Variants in PLPPR1 observed in about 807,000 individuals in gnomAD.
PLPPR1 encodes phospholipid phosphatase related 1, also known as phospholipid phosphatase-related protein type 1.
A neutral mutation model predicts 33.1 loss-of-function variants in PLPPR1; 10 were observed. The ratio of observed to expected loss-of-function variants is 0.30; its 90% CI spans 0.19 to 0.51. PLPPR1 has a LOEUF of 0.51. Ranked by LOEUF, PLPPR1 falls within the 20% of genes least tolerant of loss-of-function variation. PLPPR1 has a pLI of 0.97. For missense variants in PLPPR1, 304 were observed against 408.1 expected (o/e 0.74, Z 2.20); for synonymous variants, 151 against 151.0 (o/e 1.00, Z 0.00).
At chr9:101,247,088 C>T (rs1827624284) in intron 2 of PLPPR1, among the ~76,000 whole-genome samples, 1 of 151,928 alleles carries the variant, frequency 6.6e-6, no homozygotes, top group African/African-American at 2.4e-5. Context: ...TGGGAGGTCT[C>T]ATAGAAGAAT....
chr9:101,055,192 A>G (rs1323320841), intron 1 of PLPPR1, among the ~76,000 whole-genome samples: 1 of 152,212 alleles, frequency 6.6e-6, no homozygotes, highest in African/African-American at 2.4e-5. Flanking sequence ...CCTGTACAGG[A>G]GGATCATCTG....
intron 2 of PLPPR1, among the ~76,000 whole-genome samples, chr9:101,240,409 A>ACTGTTTTTTTTTTTTTT (rs1564012614): frequency 9.2e-5 from 14 of 151,776 alleles, no homozygotes; most frequent in African/African-American, 3.4e-4. Context: ...AAATTTTAGA[A>ACTGTTTTTTTTTTTTTT]TTGTTTTTTT....
intron 1 of PLPPR1, among the ~76,000 whole-genome samples, chr9:101,146,336 G>A (rs1001645235): frequency 6.6e-6 from 1 of 152,124 alleles, no homozygotes; most frequent in African/African-American, 2.4e-5. Flanking sequence ...GAATGAAAAA[G>A]GGGTAATACA....
intron 5 of PLPPR1, 27 bp downstream of exon 5, chr9:101,309,488 A>C: frequency 1.2e-6 from 2 of 1,606,810 alleles, no homozygotes; most frequent in Non-Finnish European, 1.7e-6. Context: ...TGTCTCTCCT[A>C]AGTCCAGTTT....
chr9:101,310,210 CTT>C (rs976600788), intron 5 of PLPPR1, among the ~76,000 whole-genome samples: 3 of 151,990 alleles, frequency 2.0e-5, no homozygotes, highest in African/African-American at 4.8e-5. Flanking sequence ...TCATTTCACT[CTT>C]GTCTGGCTTA....
intron 5 of PLPPR1, among the ~76,000 whole-genome samples, 159 bp from the exon 6 acceptor site, chr9:101,312,639 A>G (rs1828979372): frequency 6.6e-6 from 1 of 152,156 alleles, no homozygotes; most frequent in African/African-American, 2.4e-5. Context: ...ATAATTTATT[A>G]AATATCTTAA....
intron 2 of PLPPR1, among the ~76,000 whole-genome samples, chr9:101,248,846 G>A (rs1827660789): frequency 6.6e-6 from 1 of 152,050 alleles, no homozygotes; most frequent in Admixed American, 6.6e-5. Context: ...TGACCAAATA[G>A]GTTAGGCATT....
At chr9:101,186,404 T>G (rs1826204193) in intron 2 of PLPPR1, among the ~76,000 whole-genome samples, 1 of 151,800 alleles carries the variant, frequency 6.6e-6, no homozygotes, top group Non-Finnish European at 1.5e-5. Context: ...TGAACTTCTG[T>G]CTGGGTAACT....
intron 1 of PLPPR1, among the ~76,000 whole-genome samples, chr9:101,181,664 A>G (rs757601381): frequency 1.5e-4 from 23 of 148,936 alleles, no homozygotes; most frequent in Non-Finnish European, 3.1e-4. Flanking sequence ...ATGTATGTAT[A>G]TGTATATATA....
At chr9:101,090,247 G>C (rs1034796448) in intron 1 of PLPPR1, among the ~76,000 whole-genome samples, 11 of 152,072 alleles carry the variant, frequency 7.2e-5, no homozygotes, top group African/African-American at 2.7e-4. Context: ...TCCAAACAAG[G>C]TCACATTCTG....
intron 4 of PLPPR1, among the ~76,000 whole-genome samples, chr9:101,292,056 G>A (rs1029711876): frequency 2.6e-5 from 4 of 152,134 alleles, no homozygotes; most frequent in Non-Finnish European, 5.9e-5. Flanking sequence ...AAATGTAGAC[G>A]AATATATAAC....
intron 1 of PLPPR1, among the ~76,000 whole-genome samples, chr9:101,046,435 C>CTTTTTTT (rs527884198): frequency 7.1e-4 from 83 of 116,744 alleles, no homozygotes; most frequent in East Asian, 2.4e-3. Context: ...CTCTTTTATT[C>CTTTTTTT]TTTTTTTTTT....
chr9:101,099,695 C>A (rs540766431), intron 1 of PLPPR1, among the ~76,000 whole-genome samples: 1 of 152,032 alleles, frequency 6.6e-6, no homozygotes, highest in African/African-American at 2.4e-5. Flanking sequence ...AATGACCATG[C>A]GTATGTTATA....
chr9:101,304,053 TTAGAATA>T (rs1248025179), intron 4 of PLPPR1, among the ~76,000 whole-genome samples: 2 of 152,098 alleles, frequency 1.3e-5, no homozygotes, highest in Non-Finnish European at 2.9e-5. Flanking sequence ...TCTCACTGCA[TTAGAATA>T]GAGAGTGCTT....
chr9:101,075,874 G>C lies in PLPPR1; in HGVS notation c.-46+46772G>C, dbSNP rs567405688. Among the ~76,000 whole-genome samples the C allele has an allele frequency of 7.9e-5, 12 of 152,148 alleles. No homozygotes were observed. In the South Asian group the frequency reaches 2.5e-3, roughly 32 times the overall value. ...TTTAGCTGGGGGATAGGGTAAGAAG[G>C]CCCTTCAGAGAAGGTGAAGAGCAAA... On this transcript the variant is annotated intron_variant, in intron 1 of 7. Coordinates refer to ENST00000374874, the MANE Select transcript of PLPPR1 (RefSeq NM_207299.2).
intron 1 of PLPPR1, among the ~76,000 whole-genome samples, chr9:101,142,226 A>G (rs1014827500): frequency 5.3e-5 from 8 of 152,214 alleles, no homozygotes; most frequent in Non-Finnish European, 8.8e-5. Context: ...CAGAGATTCA[A>G]ACTTTGTCAT....
chr9:101,199,481 A>T lies in PLPPR1; in HGVS notation c.63+13924A>T, dbSNP rs575638984. 2.2e-3 allele frequency among the ~76,000 whole-genome samples: 328 copies of T among 152,302 alleles called. 2 individuals carry two copies. The highest frequency in any genetic ancestry group is 7.5e-3 in the African/African-American group (312 of 41,564). ...CCCCATAAATTTACTCCTTCAGCAG[A>T]CCATGTGTTAGAAAAATGCGGTCAC... On this transcript the variant is annotated intron_variant, in intron 2 of 7. Coordinates refer to ENST00000374874, the MANE Select transcript of PLPPR1 (RefSeq NM_207299.2).
At chr9:101,304,032 G>GT (rs138254940) in intron 4 of PLPPR1, among the ~76,000 whole-genome samples, 1 of 151,872 alleles carries the variant, frequency 6.6e-6, no homozygotes, top group African/African-American at 2.4e-5. Flanking sequence ...ATACTCTAAG[G>GT]TTTTTTTTAT....
Position 101,312,880 on chromosome 9 carries a change from T to C in PLPPR1, c.719T>C (p.Phe240Ser). ...VLCLGTLCTA[F>S]LTGLNRVSEY... is the part of the protein sequence containing the mutation. Reference sequence around the variant, plus strand: ...TGCCTCGGAACTCTCTGCACAGCCTTCCTGACAGGCCTCAACCGGGTCTCT... The same window carrying C: ...TGCCTCGGAACTCTCTGCACAGCCTCCCTGACAGGCCTCAACCGGGTCTCT... Residue 240 changes from phenylalanine to serine, a missense_variant, in exon 6 of 8, where the codon TTC becomes TCC. Transcript: ENST00000374874. 1.2e-6 allele frequency: 2 copies of C among 1,614,184 alleles called. No individual in the cohort carries two copies. Among genetic ancestry groups the C allele is most frequent in the Non-Finnish European group, 1.7e-6 (2 of 1,180,040 alleles).
Sources: gnomAD v4.1 joint callset for allele counts (sites outside exome capture counted in the v4.1 genomes callset) on GRCh38, gnomAD v4.1.1 for gene constraint, MANE v1.5 for transcripts, NCBI Gene and HGNC (gene_info 2026-07-23, HGNC 2026-07-21) for gene names.